The following SAMD8 variants were observed in gnomAD, a reference collection of about 807,000 sequenced individuals.
SAMD8 encodes the protein sphingomyelin synthase-related protein 1.
A neutral mutation model predicts 42.0 loss-of-function variants in SAMD8; 20 were observed. The observed-to-expected ratio is 0.48, with a 90% CI of 0.34 to 0.69. The LOEUF (loss-of-function observed/expected upper bound fraction) is 0.69, where lower values mean the gene tolerates loss of function less well. Among genes scored for constraint, SAMD8 ranks in the 30% least tolerant of loss-of-function variants. The pLI, the probability that SAMD8 is intolerant of heterozygous loss-of-function variation, is 0.01. For missense variants in SAMD8, 328 were observed against 511.6 expected, an observed-to-expected ratio of 0.64 and a Z score of 3.46; for synonymous variants, 162 against 173.0, an observed-to-expected ratio of 0.94 and a Z score of 0.50.
intron 2 of SAMD8, among the ~76,000 whole-genome samples, chr10:75,161,244 A>G (rs1206715874): frequency 6.6e-6 from 1 of 152,162 alleles, no homozygotes; most frequent in African/African-American, 2.4e-5. Context: ...CCAATCACAG[A>G]GACTTCTAGC....
Position 75,176,898 on chromosome 10 carries a change from G to C in SAMD8, c.*206G>C. The C allele has an allele frequency of 2.0e-6, 1 of 505,740 alleles. No individual in the cohort carries two copies. Among genetic ancestry groups the C allele is most frequent in the Middle Eastern group, 5.2e-4 (1 of 1,910 alleles). The allele number at this position is 505,740 out of a possible 1,614,324, so 31.3% of individuals were successfully genotyped here. A position where few individuals can be genotyped will look rare whatever the true frequency, so the allele number is the denominator to read the frequency against. On this transcript the variant is annotated 3_prime_UTR_variant, in exon 6 of 6. Coordinates refer to ENST00000542569, the MANE Select transcript of SAMD8 (RefSeq NM_001174156.2). This position sits in a 1 kb window ranked among gnomAD's most constrained non-coding sequence, Gnocchi z 4.3. ...GTAGCTATTTGAACAGAAAGCTTAAGTAGATGTTTTCTGCCCCTTCTCTTT... is the reference window on the plus strand; with the variant it reads ...GTAGCTATTTGAACAGAAAGCTTAACTAGATGTTTTCTGCCCCTTCTCTTT...
rs1305529419 is a variant in SAMD8, at chr10:75,178,853, A to ACCCC, written c.*2163_*2164insCCCC. 2 of 152,012 alleles carry ACCCC rather than the reference A, an allele frequency of 1.3e-5. No individual in the cohort carries two copies. Among genetic ancestry groups the ACCCC allele is most frequent in the African/African-American group, 4.8e-5 (2 of 41,338 alleles). 9.4% of individuals were successfully genotyped at this position (152,012 alleles called of 1,614,324 possible). On this transcript the variant is annotated 3_prime_UTR_variant, in exon 6 of 6. Transcript: ENST00000542569. ...AGATTAGCCTGGCCAATATGGTGAAACCTCATCTCTACTAAAACTACAAAA... is the reference window on the plus strand; with the variant it reads ...AGATTAGCCTGGCCAATATGGTGAAACCCCCCTCATCTCTACTAAAACTACAAAA...
At chr10:75,147,349 C>T (rs947526407) in intron 1 of SAMD8, among the ~76,000 whole-genome samples, 6 of 152,030 alleles carry the variant, frequency 3.9e-5, no homozygotes, top group South Asian at 2.1e-4. Flanking sequence ...ATTTTTGAGA[C>T]GGAGTCTTAC....
intron 1 of SAMD8, among the ~76,000 whole-genome samples, chr10:75,149,901 TCTG>T (rs946853628): frequency 1.3e-5 from 2 of 152,204 alleles, no homozygotes; most frequent in Admixed American, 6.5e-5. Context: ...TAAATTTTCT[TCTG>T]CTGTTGGAGT....
chr10:75,156,217 G>A (rs1237728765), intron 2 of SAMD8, among the ~76,000 whole-genome samples: 1 of 151,804 alleles, frequency 6.6e-6, no homozygotes, highest in Non-Finnish European at 1.5e-5. Context: ...GTTTGTCTCA[G>A]TAAGTAAGTA....
At chr10:75,103,336 C>G (rs145950091) in intron 1 of SAMD8, among the ~76,000 whole-genome samples, 2 of 152,210 alleles carry the variant, frequency 1.3e-5, no homozygotes, top group Non-Finnish European at 2.9e-5. Flanking sequence ...GGAAGCAGCA[C>G]AGGCCCACAC....
intron 1 of SAMD8, among the ~76,000 whole-genome samples, chr10:75,119,248 C>T (rs555454688): frequency 6.6e-6 from 1 of 152,056 alleles, no homozygotes; most frequent in South Asian, 2.1e-4. Flanking sequence ...ACCTCCGCCT[C>T]CTGGGTTCAA....
intron 1 of SAMD8, among the ~76,000 whole-genome samples, chr10:75,127,969 C>A (rs1257261734): frequency 6.6e-6 from 1 of 151,638 alleles, no homozygotes; most frequent in African/African-American, 2.4e-5. Flanking sequence ...TCTTTACTGA[C>A]AAATTAAAAT....
chr10:75,161,213 G>A (rs576985497), intron 2 of SAMD8, among the ~76,000 whole-genome samples: 1 of 152,276 alleles, frequency 6.6e-6, no homozygotes, highest in South Asian at 2.1e-4. Flanking sequence ...TTTTAAAGAG[G>A]ATTCATTAAA....
At chr10:75,162,649 C>CA (rs11354181) in intron 2 of SAMD8, among the ~76,000 whole-genome samples, 278 of 89,602 alleles carry the variant, frequency 3.1e-3, no homozygotes, top group Non-Finnish European at 3.6e-3. Context: ...AACTCCGTCT[C>CA]AAAAAAAAAA....
At chr10:75,117,824 G>C (rs1370603663) in intron 1 of SAMD8, among the ~76,000 whole-genome samples, 1 of 152,216 alleles carries the variant, frequency 6.6e-6, no homozygotes, top group Non-Finnish European at 1.5e-5. Flanking sequence ...TTACTGGTTT[G>C]CTGTGGCATT....
chr10:75,158,476 C>T (rs1840473876), intron 2 of SAMD8, among the ~76,000 whole-genome samples: 1 of 151,906 alleles, frequency 6.6e-6, no homozygotes, highest in Admixed American at 6.6e-5. Context: ...CCTTTAGTCC[C>T]AGCTACTCCA....
At chr10:75,120,993 G>C (rs1457698449) in intron 1 of SAMD8, among the ~76,000 whole-genome samples, 1 of 151,806 alleles carries the variant, frequency 6.6e-6, no homozygotes, top group African/African-American at 2.4e-5. Flanking sequence ...GACCAGGCTT[G>C]TCTTGAAGTC....
intron 1 of SAMD8, among the ~76,000 whole-genome samples, chr10:75,112,434 T>G (rs1848794152): frequency 6.6e-6 from 1 of 152,096 alleles, no homozygotes; most frequent in South Asian, 2.1e-4. Flanking sequence ...ACTAGGGCAA[T>G]GTACTTGGAT....
intron 4 of SAMD8, among the ~76,000 whole-genome samples, chr10:75,172,619 T>C (rs1206487737): frequency 6.6e-6 from 1 of 152,020 alleles, no homozygotes; most frequent in Non-Finnish European, 1.5e-5. Flanking sequence ...TGTCTCAGCC[T>C]CCCAAGTAAC....
Position 75,181,177 on chromosome 10 carries a change from T to A in SAMD8, c.*4485T>A, listed in dbSNP as rs1482421496. 1.3e-5 allele frequency: 2 copies of A among 152,208 alleles called. No individual in the cohort carries two copies. The highest frequency in any genetic ancestry group is 2.9e-5 in the Non-Finnish European group (2 of 68,030). The allele number at this position is 152,208 out of a possible 1,614,324, so 9.4% of individuals were successfully genotyped here. ...CAGTACTGGTTTCATTTAGACAGTTTCTAAGCCAGCAAAGGTGTCAATTTT... is the reference window on the plus strand; with the variant it reads ...CAGTACTGGTTTCATTTAGACAGTTACTAAGCCAGCAAAGGTGTCAATTTT... On this transcript the variant is annotated 3_prime_UTR_variant, in exon 6 of 6. Transcript: ENST00000542569.
At chr10:75,131,121 T>A (rs1207132804) in intron 1 of SAMD8, among the ~76,000 whole-genome samples, 2 of 152,186 alleles carry the variant, frequency 1.3e-5, no homozygotes, top group African/African-American at 4.8e-5. Flanking sequence ...CCACATGAAA[T>A]CACCCTGCAG....
chr10:75,117,485 TG>T (rs1443480112), intron 1 of SAMD8, among the ~76,000 whole-genome samples: 5 of 149,198 alleles, frequency 3.4e-5, no homozygotes, highest in African/African-American at 7.4e-5. Flanking sequence ...GAGGCCAAGG[TG>T]GGTGGCTTAC....
chr10:75,143,372 AT>A (rs545641630), intron 1 of SAMD8, among the ~76,000 whole-genome samples: 1 of 152,170 alleles, frequency 6.6e-6, no homozygotes, highest in African/African-American at 2.4e-5. Flanking sequence ...TGTGGCTACC[AT>A]TTTGGTGTTC....
Sources: allele counts gnomAD v4.1 joint callset (sites outside exome capture counted in the v4.1 genomes callset), GRCh38; gene constraint gnomAD v4.1.1; non-coding constraint Gnocchi (gnomAD v3.1); transcripts MANE v1.5; gene names NCBI Gene and HGNC (gene_info 2026-07-23, HGNC 2026-07-21).